The following JHY variants were observed in gnomAD, a reference collection of about 807,000 sequenced individuals.
JHY encodes junctional cadherin complex regulator.
A neutral mutation model predicts 78.0 loss-of-function variants in JHY; 69 were observed. The ratio of observed to expected loss-of-function variants is 0.88; its 90% confidence interval spans 0.73 to 1.08. The LOEUF (loss-of-function observed/expected upper bound fraction) is 1.08. Ranked by LOEUF, JHY falls within the 50% of genes least tolerant of loss-of-function variation. JHY has a pLI of 0.00. For missense variants in JHY, 944 were observed against 927.8 expected (o/e 1.02, Z -0.23); for synonymous variants, 368 against 342.6 (o/e 1.07, Z -0.82).
intron 4 of JHY, among the ~76,000 whole-genome samples, chr11:122,932,031 G>A (rs1158474096): frequency 6.6e-6 from 1 of 152,214 alleles, no homozygotes; most frequent in Non-Finnish European, 1.5e-5. Flanking sequence ...GACTGCGGGT[G>A]TTGGTAACAA....
chr11:122,890,292 A>G lies in JHY; in HGVS notation c.344+4099A>G, dbSNP rs918946170. Among the ~76,000 whole-genome samples, 3 of 152,116 alleles carry G rather than the reference A, an allele frequency of 2.0e-5. No homozygotes were observed. In the South Asian group the frequency reaches 6.2e-4, roughly 31 times the overall value. On this transcript the variant is annotated intron_variant, in intron 2 of 8. Coordinates refer to ENST00000227349, the MANE Select transcript of JHY (RefSeq NM_024806.4). Reference sequence around the variant, plus strand: ...CTTTATTGCAACCGTGGTAGATACTATCATGATCCCATTTTGAAGGATGCA... The same window carrying G: ...CTTTATTGCAACCGTGGTAGATACTGTCATGATCCCATTTTGAAGGATGCA...
chr11:122,908,575 C>CA (rs1465733637), intron 3 of JHY, among the ~76,000 whole-genome samples: 1 of 152,166 alleles, frequency 6.6e-6, no homozygotes, highest in Non-Finnish European at 1.5e-5. Flanking sequence ...ATCTAAAAGT[C>CA]AGAGTTGAAT....
intron 2 of JHY, among the ~76,000 whole-genome samples, chr11:122,901,018 C>T (rs753156068): frequency 6.6e-5 from 10 of 152,218 alleles, no homozygotes; most frequent in Non-Finnish European, 1.3e-4. Flanking sequence ...GACAGGGGTA[C>T]GTTCTGAGAA....
rs773925896 is a variant in JHY, at chr11:122,883,585, CT to C, written c.-90+625del. Among the ~76,000 whole-genome samples the C allele has an allele frequency of 7.5e-4, 109 of 145,180 alleles. No individual in the cohort carries two copies. Among genetic ancestry groups the C allele is most frequent in the Admixed American group, 9.6e-4 (14 of 14,512 alleles). ...TGGTCAGAAATTTCAGCGGCACAAC[CT>C]TTTTTTTTTTTCACTGGACGGGAGG... is the stretch of plus-strand genomic sequence containing the variant. On this transcript the variant is annotated intron_variant, in intron 1 of 8. Coordinates refer to ENST00000227349, the MANE Select transcript of JHY (RefSeq NM_024806.4). This position sits in a 1 kb window ranked among gnomAD's most constrained non-coding sequence, Gnocchi z 4.4.
intron 2 of JHY, among the ~76,000 whole-genome samples, chr11:122,899,365 G>T (rs1477787934): frequency 1.3e-5 from 2 of 152,116 alleles, no homozygotes; most frequent in African/African-American, 4.8e-5. Flanking sequence ...CAATAATTGA[G>T]CTTTCTTCCC....
At chr11:122,907,305 A>G (rs1298936226) in intron 3 of JHY, among the ~76,000 whole-genome samples, 2 of 151,598 alleles carry the variant, frequency 1.3e-5, no homozygotes, top group Non-Finnish European at 2.9e-5. Context: ...TCTCCTCCCG[A>G]TACAGATTAT....
At chr11:122,943,842 T>C (rs1863917616) in intron 5 of JHY, among the ~76,000 whole-genome samples, 1 of 152,226 alleles carries the variant, frequency 6.6e-6, no homozygotes, top group African/African-American at 2.4e-5. Context: ...ATGATTTAAG[T>C]GAGTCTCTTT....
chr11:122,912,970 T>A (rs1428821179), intron 3 of JHY, among the ~76,000 whole-genome samples: 1 of 152,036 alleles, frequency 6.6e-6, no homozygotes, highest in Non-Finnish European at 1.5e-5. Flanking sequence ...GGGAGAAGAT[T>A]CCACCCAGGG....
chr11:122,923,874 G>A (rs1313236495), intron 3 of JHY, among the ~76,000 whole-genome samples: 2 of 145,890 alleles, frequency 1.4e-5, no homozygotes, highest in African/African-American at 2.5e-5. Context: ...CAGTCACCAC[G>A]CCTGGCTAAT....
rs1864268921 is a variant in JHY at position 122,959,597 on chromosome 11, GCCCAATT to G, written c.*153_*159del. The G allele has an allele frequency of 1.4e-6, 1 of 711,904 alleles. No homozygotes were observed. Among genetic ancestry groups the G allele is most frequent in the Non-Finnish European group, 2.2e-6 (1 of 445,412 alleles). 44.1% of individuals were successfully genotyped at this position (711,904 alleles called of 1,614,324 possible). On this transcript the variant is annotated 3_prime_UTR_variant, in exon 9 of 9. Transcript: ENST00000227349. ...CTTTCTGCAGGATTTAAAATATGAGGCCCAATTGGATTATGGTGCCATATTTTACTTT... is the reference window on the plus strand; with the variant it reads ...CTTTCTGCAGGATTTAAAATATGAGGGGATTATGGTGCCATATTTTACTTT...
chr11:122,921,419 C>T (rs190545115), intron 3 of JHY, among the ~76,000 whole-genome samples: 10 of 152,252 alleles, frequency 6.6e-5, no homozygotes, highest in East Asian at 1.9e-4. Context: ...AGGCTCCAGA[C>T]GACAGTTTCT....
At chr11:122,906,032 A>C (rs1364510059) in intron 3 of JHY, 1 of 152,178 alleles carries the variant, frequency 6.6e-6, no homozygotes, top group Non-Finnish European at 1.5e-5. Context: ...TATATAGCTG[A>C]AGTATTTAAA....
At position 122,904,221 on chromosome 11, in the gene JHY, G is replaced by A. The variant is rs372739750; in HGVS notation, c.641G>A (p.Ser214Asn). The change falls in exon 3 of 9, where the codon AGC (serine) becomes AAC (asparagine). Residue 214 changes from serine to asparagine, a missense_variant. Ser to Asn is a conservative substitution (Grantham distance 46, BLOSUM62 1). Transcript: ENST00000227349. ...ARRSKPFSELSDSDLEEKSSS... is the reference protein window; with the variant it reads ...ARRSKPFSELNDSDLEEKSSS... Reference sequence around the variant, plus strand: ...CGCAGCAAGCCGTTTTCAGAGCTGAGCGACAGTGACCTGGAGGAGAAGTCG... The same window carrying A: ...CGCAGCAAGCCGTTTTCAGAGCTGAACGACAGTGACCTGGAGGAGAAGTCG... The A allele has an allele frequency of 1.1e-5, 17 of 1,614,062 alleles. No homozygotes were observed. The highest frequency in any genetic ancestry group is 1.4e-5 in the Non-Finnish European group (16 of 1,180,050).
At chr11:122,957,989 T>C (rs115695907) in intron 8 of JHY, among the ~76,000 whole-genome samples, 2,221 of 152,286 alleles carry the variant, frequency 0.015, 38 homozygotes, top group African/African-American at 0.05. Context: ...TATCATTAAA[T>C]AAGCTTTAAG....
chr11:122,926,208 A>G (rs1036643444), intron 4 of JHY, among the ~76,000 whole-genome samples: 3 of 89,326 alleles, frequency 3.4e-5, no homozygotes, highest in South Asian at 3.1e-4. Context: ...AAAAAAAAAG[A>G]AAAAAGAAAA....
chr11:122,897,706 A>G (rs1475494873), intron 2 of JHY, among the ~76,000 whole-genome samples: 1 of 152,226 alleles, frequency 6.6e-6, no homozygotes, highest in Non-Finnish European at 1.5e-5. Context: ...CCATATTATC[A>G]TACAGAGAAA....
intron 5 of JHY, among the ~76,000 whole-genome samples, chr11:122,945,604 G>C (rs1199859238): frequency 6.6e-6 from 1 of 152,172 alleles, no homozygotes; most frequent in Admixed American, 6.5e-5. Context: ...CTTTTCCGTG[G>C]AAACCTAGGC....
intron 8 of JHY, chr11:122,959,008 G>T (rs1003536082): frequency 3.0e-6 from 3 of 984,710 alleles, no homozygotes; most frequent in Middle Eastern, 1.0e-3. Context: ...GCATCCAAAG[G>T]ACACAACCGT....
chr11:122,928,479 C>T (rs751556621), intron 4 of JHY, among the ~76,000 whole-genome samples: 46 of 150,726 alleles, frequency 3.1e-4, no homozygotes, highest in Non-Finnish European at 6.2e-4. Flanking sequence ...AAATATTTCA[C>T]ACAACAAATA....
Sources: gnomAD v4.1 joint callset for allele counts (sites outside exome capture counted in the v4.1 genomes callset) on GRCh38, gnomAD v4.1.1 for gene constraint, Gnocchi (gnomAD v3.1) non-coding constraint, MANE v1.5 for transcripts, NCBI Gene and HGNC (gene_info 2026-07-23, HGNC 2026-07-21) for gene names.